The following NME7 variants were observed in gnomAD, a reference collection of about 807,000 sequenced individuals.
The protein encoded by NME7 is NME/NM23 family member 7, also known as nucleoside diphosphate kinase 7.
Under a neutral mutation model 49.1 loss-of-function variants are expected in NME7, and 41 were observed. That is an observed-to-expected ratio of 0.83 (90% CI 0.65 to 1.08). The LOEUF is 1.08. Among genes scored for constraint, NME7 ranks in the 50% least tolerant of loss-of-function variants. The pLI, the probability that NME7 is intolerant of heterozygous loss-of-function variation, is 0.00. For missense variants in NME7, 423 were observed against 463.4 expected, an observed-to-expected ratio of 0.91 and a Z score of 0.80; for synonymous variants, 139 against 150.6, an observed-to-expected ratio of 0.92 and a Z score of 0.56.
intron 4 of NME7, among the ~76,000 whole-genome samples, chr1:169,304,716 T>A (rs952866828): frequency 6.6e-6 from 1 of 152,208 alleles, no homozygotes; most frequent in African/African-American, 2.4e-5. Flanking sequence ...ACATAAGTTG[T>A]CCAGTTCACA....
At chr1:169,242,676 CA>C (rs1162895428) in intron 7 of NME7, among the ~76,000 whole-genome samples, 1 of 138,738 alleles carries the variant, frequency 7.2e-6, no homozygotes, top group African/African-American at 2.5e-5. Context: ...TAGAAAATCC[CA>C]AATAGCCTAA....
intron 7 of NME7, chr1:169,286,554 T>C (rs1300033000): frequency 1.3e-5 from 2 of 152,130 alleles, no homozygotes; most frequent in African/African-American, 2.4e-5. Flanking sequence ...TCTTTATATA[T>C]GTATATATAT....
intron 9 of NME7, among the ~76,000 whole-genome samples, chr1:169,234,385 G>A (rs968512160): frequency 1.2e-4 from 19 of 152,028 alleles, no homozygotes; most frequent in African/African-American, 4.3e-4. Flanking sequence ...GTAACAGCAT[G>A]AGATAGGAAT....
Position 169,302,905 on chromosome 1 carries a change from T to G in NME7, c.440+240A>C, listed in dbSNP as rs188996690. Among the ~76,000 whole-genome samples the G allele has an allele frequency of 2.6e-5, 4 of 152,344 alleles. No individual in the cohort carries two copies. The East Asian group carries it at 5.8e-4, about 22-fold the overall frequency. On this transcript the variant is annotated intron_variant, in intron 5 of 11. Coordinates refer to ENST00000367811, the MANE Select transcript of NME7 (RefSeq NM_013330.5). ...ATTTTAAAAGTTATCCTTCTTGTAA[T>G]GTAAACAAATCTTTCTATTTGCAAC...
At chr1:169,356,868 A>G (rs1382389045) in intron 1 of NME7, among the ~76,000 whole-genome samples, 2 of 152,208 alleles carry the variant, frequency 1.3e-5, no homozygotes, top group African/African-American at 2.4e-5. Flanking sequence ...ACATATTCAC[A>G]TGTTAAAGAA....
At chr1:169,164,567 T>C (rs10919079) in intron 11 of NME7, among the ~76,000 whole-genome samples, 7,342 of 152,262 alleles carry the variant, frequency 0.048, 238 homozygotes, top group East Asian at 0.13. Flanking sequence ...CAGAGCTATT[T>C]TGACTTGGCT....
intron 10 of NME7, among the ~76,000 whole-genome samples, chr1:169,186,053 A>G (rs867506424): frequency 5.9e-5 from 9 of 151,746 alleles, no homozygotes; most frequent in Admixed American, 1.3e-4. Flanking sequence ...TTAAAAATAT[A>G]TAAGTAGAAA....
intron 10 of NME7, among the ~76,000 whole-genome samples, chr1:169,205,251 T>C (rs1050044624): frequency 2.0e-5 from 3 of 152,178 alleles, no homozygotes; most frequent in African/African-American, 7.2e-5. Context: ...CATGATCTTA[T>C]GTAATTTGAG....
intron 10 of NME7, among the ~76,000 whole-genome samples, chr1:169,213,838 T>C (rs929029665): frequency 6.0e-5 from 9 of 150,924 alleles, no homozygotes; most frequent in African/African-American, 1.9e-4. Flanking sequence ...TAAATATATA[T>C]ATATATACAC....
At chr1:169,178,386 C>A (rs1454984596) in intron 10 of NME7, among the ~76,000 whole-genome samples, 1 of 152,068 alleles carries the variant, frequency 6.6e-6, no homozygotes, top group Non-Finnish European at 1.5e-5. Context: ...TTGCTACAGG[C>A]AGACAAGGTA....
At chr1:169,283,751 T>C (rs1650142888) in intron 7 of NME7, 1 of 152,220 alleles carries the variant, frequency 6.6e-6, no homozygotes, top group South Asian at 2.1e-4. Flanking sequence ...AATTCTTTTC[T>C]TTAAGAATGT....
In NME7 at chr1:169,273,276, T is replaced by C. The variant is rs1293797072; in HGVS notation, c.754+14027A>G. 3.1e-5 allele frequency among the ~76,000 whole-genome samples: 4 copies of C among 130,150 alleles called. 2 individuals carry two copies. Among genetic ancestry groups the C allele is most frequent in the Non-Finnish European group, 7.2e-5 (4 of 55,528 alleles). 85.4% of individuals were successfully genotyped at this position (130,150 alleles called of 152,430 possible). A position where few individuals can be genotyped will look rare whatever the true frequency, so the allele number is the denominator to read the frequency against. On this transcript the variant is annotated intron_variant, in intron 7 of 11. Coordinates refer to ENST00000367811, the MANE Select transcript of NME7 (RefSeq NM_013330.5). ...TCCCTGTGTCCATGTGTTTTCATTG[T>C]TCAACTCAGACTTATGAGTGAGAAC...
intron 4 of NME7, among the ~76,000 whole-genome samples, chr1:169,305,995 G>C (rs927791835): frequency 3.3e-5 from 5 of 152,122 alleles, no homozygotes; most frequent in African/African-American, 1.2e-4. Context: ...AGTTTTCTTG[G>C]GAATTAGTTT....
chr1:169,353,882 A>G (rs1653279883), intron 1 of NME7, among the ~76,000 whole-genome samples: 3 of 152,278 alleles, frequency 2.0e-5, no homozygotes, highest in Admixed American at 2.0e-4. Flanking sequence ...AAAAAGTTTT[A>G]TCCAAAGGAC....
chr1:169,282,034 T>A lies in NME7; in HGVS notation c.754+5269A>T, dbSNP rs184185763. ...TTTCAGAAGGAATGGTACCAGCTCC[T>A]CTTTGTACCTCTGGTAGAATTTGGC... On this transcript the variant is annotated intron_variant, in intron 7 of 11. Coordinates refer to ENST00000367811, the MANE Select transcript of NME7 (RefSeq NM_013330.5). Among the ~76,000 whole-genome samples the A allele has an allele frequency of 3.6e-4, 55 of 152,330 alleles. No homozygotes were observed. In the East Asian group the frequency reaches 6.2e-3, roughly 17 times the overall value.
chr1:169,291,625 C>T (rs890328629), intron 6 of NME7, among the ~76,000 whole-genome samples: 2 of 150,588 alleles, frequency 1.3e-5, no homozygotes, highest in African/African-American at 4.9e-5. Flanking sequence ...ACGTTACGCA[C>T]ATGTATCCCA....
At chr1:169,263,376 A>G (rs1039634935) in intron 7 of NME7, among the ~76,000 whole-genome samples, 1 of 134,026 alleles carries the variant, frequency 7.5e-6, no homozygotes, top group Non-Finnish European at 1.8e-5. Context: ...ACAATACAGG[A>G]GATGAAAGTC....
chr1:169,353,292 A>C (rs1270573374), intron 1 of NME7, among the ~76,000 whole-genome samples: 1 of 152,108 alleles, frequency 6.6e-6, no homozygotes, highest in African/African-American at 2.4e-5. Context: ...CATATATTGG[A>C]GAAGACAGCC....
chr1:169,266,559 T>C (rs1649325615), intron 7 of NME7, among the ~76,000 whole-genome samples: 2 of 133,674 alleles, frequency 1.5e-5, no homozygotes, highest in African/African-American at 5.1e-5. Context: ...ATGCCCTCTA[T>C]CACCAAATCT....
Sources: gnomAD v4.1 joint callset for allele counts (sites outside exome capture counted in the v4.1 genomes callset) on GRCh38, gnomAD v4.1.1 for gene constraint, MANE v1.5 for transcripts, NCBI Gene and HGNC (gene_info 2026-07-23, HGNC 2026-07-21) for gene names.